Variants in XIRP2 observed in about 807,000 individuals in gnomAD.
XIRP2 encodes the protein xin actin binding repeat containing 2.
A neutral mutation model predicts 277.0 loss-of-function variants in XIRP2; 236 were observed. That is an observed-to-expected ratio of 0.85 (90% confidence interval 0.77 to 0.95). The LOEUF (loss-of-function observed/expected upper bound fraction) is 0.95. Among genes scored for constraint, XIRP2 ranks in the 40% least tolerant of loss-of-function variants. XIRP2 has a pLI of 0.00. For synonymous variants in XIRP2, 1,490 were observed against 1,416.5 expected, an observed-to-expected ratio of 1.05 and a Z score of -1.17; for missense variants, 4,640 against 4,157.5, an observed-to-expected ratio of 1.12 and a Z score of -3.19.
At chr2:167,082,993 G>A (rs1191489129) in intron 2 of XIRP2, among the ~76,000 whole-genome samples, 4 of 152,144 alleles carry the variant, frequency 2.6e-5, no homozygotes, top group Admixed American at 2.6e-4. Flanking sequence ...ATTGCTTTTG[G>A]TGTTTTAGAC....
intron 3 of XIRP2, among the ~76,000 whole-genome samples, chr2:167,157,768 A>G (rs1318654390): frequency 6.6e-6 from 1 of 152,148 alleles, no homozygotes; most frequent in African/African-American, 2.4e-5. Flanking sequence ...ATGATTGTGA[A>G]AAATGTTGCA....
At position 167,060,753 on chromosome 2, in the gene XIRP2, C is replaced by G. The variant is rs536109004; in HGVS notation, c.409-75156C>G. On this transcript the variant is annotated intron_variant, in intron 2 of 10. Coordinates refer to ENST00000409195, the MANE Select transcript of XIRP2 (RefSeq NM_152381.6). The stretch of plus-strand genomic sequence containing the variant: ...TATTTATCTCCATGCCAATATAATA[C>G]TGTCAATTACTAGAGAGTTATGATA... Among the ~76,000 whole-genome samples the G allele has an allele frequency of 5.9e-5, 9 of 152,226 alleles. No individual in the cohort carries two copies. In the East Asian group the frequency reaches 1.7e-3, roughly 29 times the overall value.
intron 3 of XIRP2, among the ~76,000 whole-genome samples, chr2:167,188,651 A>G (rs985412079): frequency 6.6e-6 from 1 of 152,178 alleles, no homozygotes; most frequent in Non-Finnish European, 1.5e-5. Flanking sequence ...ATGCTTAAGT[A>G]TTTCTCTGCT....
rs762373782 is a variant in XIRP2 at position 167,247,907 on chromosome 2, T to C, written c.6515T>C (p.Val2172Ala). The C allele has an allele frequency of 4.3e-6, 7 of 1,613,094 alleles. No individual in the cohort carries two copies. Among genetic ancestry groups the C allele is most frequent in the African/African-American group, 4.0e-5 (3 of 74,774 alleles). ...SPTQHPVSMPVGGTYDLSGDF... is the reference protein window; with the variant it reads ...SPTQHPVSMPAGGTYDLSGDF... Reference sequence around the variant, plus strand: ...ACCCAGCATCCAGTCAGCATGCCAGTTGGAGGAACTTACGACCTTTCAGGG... The same window carrying C: ...ACCCAGCATCCAGTCAGCATGCCAGCTGGAGGAACTTACGACCTTTCAGGG... Residue 2172 changes from valine to alanine, a missense_variant, in exon 9 of 11, where the codon GTT (valine) becomes GCT (alanine). Val to Ala is a moderately conservative substitution (Grantham distance 64). Transcript: ENST00000409195.
At chr2:166,986,282 C>A (rs1426586093) in intron 2 of XIRP2, among the ~76,000 whole-genome samples, 1 of 152,178 alleles carries the variant, frequency 6.6e-6, no homozygotes, top group Admixed American at 6.5e-5. Context: ...CTCAGAACTT[C>A]TTCAATATAG....
chr2:167,238,871 TATCA>T lies in XIRP2; in HGVS notation c.859-959_859-956del, dbSNP rs538585939. Among the ~76,000 whole-genome samples, 164 of 152,222 alleles carry T rather than the reference TATCA, an allele frequency of 1.1e-3. 2 individuals are homozygous for T. The highest frequency in any genetic ancestry group is 3.2e-3 in the African/African-American group (135 of 41,544). On this transcript the variant is annotated intron_variant, in intron 5 of 10. Coordinates refer to ENST00000409195, the MANE Select transcript of XIRP2 (RefSeq NM_152381.6). ...TAGCAGTATGCTAACTGCTTCATCA[TATCA>T]ATCAATCAATCAATCAATCAATCAT...
At chr2:167,007,154 G>A (rs1237101584) in intron 2 of XIRP2, among the ~76,000 whole-genome samples, 4 of 151,488 alleles carry the variant, frequency 2.6e-5, no homozygotes, top group Admixed American at 6.6e-5. Context: ...ACCTAATTAT[G>A]TACAAAAGAC....
chr2:167,154,195 C>T lies in XIRP2; in HGVS notation c.562+18133C>T, dbSNP rs1306516876. ...CATTTTTTCATGTGTTTTTTGGCTG[C>T]ATAAATGTCTTCTTTTGAGAAGTGT... On this transcript the variant is annotated intron_variant, in intron 3 of 10. Transcript: ENST00000409195. Among the ~76,000 whole-genome samples the T allele has an allele frequency of 1.3e-5, 2 of 149,376 alleles. 1 individual carries two copies. The highest frequency in any genetic ancestry group is 3.9e-4 in the East Asian group (2 of 5,110).
chr2:167,093,923 A>C (rs1157647188), intron 2 of XIRP2, among the ~76,000 whole-genome samples: 1 of 151,676 alleles, frequency 6.6e-6, no homozygotes, highest in African/African-American at 2.4e-5. Context: ...ACTAATTTAC[A>C]CTCCCACCAA....
Position 167,249,677 on chromosome 2 carries a change from A to C in XIRP2, c.8285A>C (p.His2762Pro), listed in dbSNP as rs898279461. ...ACTGAAGCAAGCACTGAATGTAGTC[A>C]TAAGCAATCTCTGGCTGAAAGACAT... ...KKTEASTECS[H>P]KQSLAERHYQ... Residue 2762 changes from histidine (H) to proline (P), a missense_variant, in exon 9 of 11, where the codon CAT (histidine) becomes CCT (proline). Transcript: ENST00000409195. 2 of 1,613,590 alleles carry C rather than the reference A, an allele frequency of 1.2e-6. No individual in the cohort carries two copies. Among genetic ancestry groups the C allele is most frequent in the Non-Finnish European group, 1.7e-6 (2 of 1,179,774 alleles).
intron 3 of XIRP2, among the ~76,000 whole-genome samples, chr2:167,165,197 A>G (rs1259247332): frequency 6.6e-6 from 1 of 152,166 alleles, no homozygotes; most frequent in East Asian, 1.9e-4. Context: ...TTCTACATTG[A>G]ATAATATTTC....
At chr2:166,976,814 G>A (rs954161324) in intron 2 of XIRP2, among the ~76,000 whole-genome samples, 1 of 152,002 alleles carries the variant, frequency 6.6e-6, no homozygotes, top group African/African-American at 2.4e-5. Flanking sequence ...ACCATTTCTG[G>A]GGCTCTCCAT....
intron 2 of XIRP2, among the ~76,000 whole-genome samples, chr2:166,904,816 A>T (rs955487806): frequency 3.3e-5 from 5 of 152,060 alleles, no homozygotes; most frequent in Non-Finnish European, 7.4e-5. Flanking sequence ...TCACCTAATG[A>T]CAGTTTTATC....
At chr2:166,999,810 T>C (rs569600261) in intron 2 of XIRP2, among the ~76,000 whole-genome samples, 19 of 152,280 alleles carry the variant, frequency 1.2e-4, no homozygotes, top group Admixed American at 6.5e-4. Flanking sequence ...TTCAAGAGCA[T>C]TTCAAGTCAT....
chr2:167,037,513 TG>T (rs201439550), intron 2 of XIRP2, among the ~76,000 whole-genome samples: 1 of 136,696 alleles, frequency 7.3e-6, no homozygotes, highest in East Asian at 2.3e-4. Context: ...TTTTTTCATG[TG>T]GGGGGTGTGT....
intron 2 of XIRP2, among the ~76,000 whole-genome samples, chr2:167,130,036 TCCACCA>T (rs2105312793): frequency 6.6e-6 from 1 of 152,206 alleles, no homozygotes; most frequent in South Asian, 2.1e-4. Flanking sequence ...AGCGAGAGAC[TCCACCA>T]GTACCTCTGG....
chr2:167,091,756 T>C (rs1323915073), intron 2 of XIRP2, among the ~76,000 whole-genome samples: 1 of 152,136 alleles, frequency 6.6e-6, no homozygotes. Context: ...TTAATAATGT[T>C]TTCTACTTCA....
chr2:167,182,925 GA>G (rs1296442250), intron 3 of XIRP2, among the ~76,000 whole-genome samples: 1 of 152,128 alleles, frequency 6.6e-6, no homozygotes, highest in African/African-American at 2.4e-5. Context: ...TTATGTCAAA[GA>G]GAATAGTCTT....
intron 2 of XIRP2, among the ~76,000 whole-genome samples, chr2:166,915,050 C>T (rs1684823762): frequency 1.3e-5 from 2 of 151,844 alleles, no homozygotes; most frequent in Non-Finnish European, 1.5e-5. Context: ...GTAATCCCAG[C>T]ACTTTGGGAG....
Sources: gnomAD v4.1 joint callset for allele counts (sites outside exome capture counted in the v4.1 genomes callset) on GRCh38, gnomAD v4.1.1 for gene constraint, MANE v1.5 for transcripts, NCBI Gene and HGNC (gene_info 2026-07-23, HGNC 2026-07-21) for gene names.